Variants in GRIN2B observed in about 807,000 individuals in gnomAD.
GRIN2B encodes glutamate receptor ionotropic, NMDA 2B.
In GRIN2B, 5 loss-of-function variants were observed where a neutral mutation model predicts 114.5. That is an observed-to-expected ratio of 0.04 (90% CI 0.02 to 0.09). The LOEUF (loss-of-function observed/expected upper bound fraction) is 0.09, where lower values mean the gene tolerates loss of function less well. Ranked by LOEUF, GRIN2B falls within the 10% of genes least tolerant of loss-of-function variation. The pLI is 1.00. For synonymous variants in GRIN2B, 787 were observed against 745.1 expected (o/e 1.06, Z -0.92); for missense variants, 1,108 against 1,943.5 (o/e 0.57, Z 8.08).
rs757341517 is a variant in GRIN2B at position 13,611,771 on chromosome 12, C to T, written c.1734G>A (p.Glu578=). Residue 578 remains glutamate, a synonymous_variant, in exon 9 of 14, where the codon GAG becomes GAA. Transcript: ENST00000609686. Reference sequence around the variant, plus strand: ...TGTTATAACCCACAGGGCTGAAGTACTCAAAGACAAAGACAGCCACGGCTG... The same window carrying T: ...TGTTATAACCCACAGGGCTGAAGTATTCAAAGACAAAGACAGCCACGGCTG... ...IVSAVAVFVF[E]YFSPVGYNRC... is the part of the protein sequence containing the mutation. 1 of 1,613,726 alleles carries T rather than the reference C, an allele frequency of 6.2e-7. No individual in the cohort carries two copies. Among genetic ancestry groups the T allele is most frequent in the African/African-American group, 1.3e-5 (1 of 74,918 alleles).
chr12:13,856,254 C>T (rs765864310), intron 3 of GRIN2B, among the ~76,000 whole-genome samples: 84 of 152,166 alleles, frequency 5.5e-4, no homozygotes, highest in Non-Finnish European at 1.1e-3. Context: ...TTTAGTGTGG[C>T]TTGACATTGC....
intron 5 of GRIN2B, among the ~76,000 whole-genome samples, chr12:13,632,654 A>C (rs988252992): frequency 6.6e-6 from 1 of 152,170 alleles, no homozygotes; most frequent in Non-Finnish European, 1.5e-5. Context: ...AATGGAATAT[A>C]ATGTATGTGG....
chr12:13,847,259 C>T (rs1475429206), intron 3 of GRIN2B, among the ~76,000 whole-genome samples: 2 of 152,116 alleles, frequency 1.3e-5, no homozygotes, highest in Non-Finnish European at 2.9e-5. Context: ...TTAGCTACAG[C>T]TCCTCACCCA....
chr12:13,907,739 T>C, intron 2 of GRIN2B, among the ~76,000 whole-genome samples: 1 of 152,140 alleles, frequency 6.6e-6, no homozygotes, highest in East Asian at 1.9e-4. Context: ...CATCAAGCTG[T>C]ATATTTGAGA....
intron 10 of GRIN2B, among the ~76,000 whole-genome samples, chr12:13,587,602 A>T (rs1186211324): frequency 6.6e-6 from 1 of 152,014 alleles, no homozygotes; most frequent in Admixed American, 6.6e-5. Flanking sequence ...TGATCTTCTC[A>T]CCTCAACCTC....
chr12:13,716,390 G>A (rs1211976151), intron 4 of GRIN2B, among the ~76,000 whole-genome samples: 1 of 151,908 alleles, frequency 6.6e-6, no homozygotes, highest in Non-Finnish European at 1.5e-5. Flanking sequence ...TGAGCCAGTA[G>A]TAATCTAAGC....
chr12:13,857,453 A>C (rs981998230), intron 3 of GRIN2B, among the ~76,000 whole-genome samples: 2 of 152,164 alleles, frequency 1.3e-5, no homozygotes, highest in African/African-American at 4.8e-5. Flanking sequence ...ATACATTCCC[A>C]AACATCTTCT....
At chr12:13,662,213 C>A (rs1443622383) in intron 5 of GRIN2B, among the ~76,000 whole-genome samples, 1 of 152,116 alleles carries the variant, frequency 6.6e-6, no homozygotes, top group Non-Finnish European at 1.5e-5. Context: ...CATACCCATT[C>A]TCTAAAATCT....
chr12:13,906,135 CA>C (rs1866531142), intron 2 of GRIN2B, among the ~76,000 whole-genome samples: 1 of 152,162 alleles, frequency 6.6e-6, no homozygotes, highest in Admixed American at 6.5e-5. Context: ...TGGTTTCAGA[CA>C]TCCTTTTATT....
intron 10 of GRIN2B, among the ~76,000 whole-genome samples, chr12:13,601,507 C>G (rs1220185834): frequency 6.6e-6 from 1 of 151,242 alleles, no homozygotes; most frequent in Non-Finnish European, 1.5e-5. Context: ...AACTTAATTA[C>G]ATTTGCAAAG....
chr12:13,583,368 C>T (rs1948877590), intron 10 of GRIN2B, among the ~76,000 whole-genome samples: 1 of 152,156 alleles, frequency 6.6e-6, no homozygotes, highest in Non-Finnish European at 1.5e-5. Context: ...ATTATTATCT[C>T]CATTTAATGG....
chr12:13,862,574 CCT>C (rs1865767747), intron 3 of GRIN2B, among the ~76,000 whole-genome samples: 1 of 152,052 alleles, frequency 6.6e-6, no homozygotes, highest in Non-Finnish European at 1.5e-5. Flanking sequence ...GTCCTATTCC[CCT>C]GTTGTTGATT....
At position 13,558,368 on chromosome 12, in the gene GRIN2B, AT is replaced by A. The variant is rs1296690563; in HGVS notation, c.*4414del. On this transcript the variant is annotated 3_prime_UTR_variant, in exon 14 of 14. Coordinates refer to ENST00000609686, the MANE Select transcript of GRIN2B (RefSeq NM_000834.5). Reference sequence around the variant, plus strand: ...ACAGGGCCTTTTTAGAGAGATGATGATTGAAAGAATAAAGTGAGTTCTGGAA... The same window carrying A: ...ACAGGGCCTTTTTAGAGAGATGATGATGAAAGAATAAAGTGAGTTCTGGAA... 7.9e-5 allele frequency: 12 copies of A among 151,988 alleles called. No individual in the cohort carries two copies. The highest frequency in any genetic ancestry group is 2.4e-4 in the African/African-American group (10 of 41,382). The allele number at this position is 151,988 out of a possible 1,614,324, so 9.4% of individuals were successfully genotyped here.
At chr12:13,817,306 T>G (rs1243861812) in intron 3 of GRIN2B, among the ~76,000 whole-genome samples, 1 of 150,534 alleles carries the variant, frequency 6.6e-6, no homozygotes, top group Non-Finnish European at 1.5e-5. Context: ...CAGCATGTAC[T>G]CTAGCTGGGC....
rs1948255143 is a variant in GRIN2B at position 13,539,842 on chromosome 12, A to T, written c.*22941T>A. On this transcript the variant is annotated 3_prime_UTR_variant, in exon 14 of 14. Coordinates refer to ENST00000609686, the MANE Select transcript of GRIN2B (RefSeq NM_000834.5). ...TGGGAAAAAAACCCACCACCACCCCATAAAACAGTATTACATTTGAGACAA... is the reference window on the plus strand; with the variant it reads ...TGGGAAAAAAACCCACCACCACCCCTTAAAACAGTATTACATTTGAGACAA... 1 of 152,238 alleles carries T rather than the reference A, an allele frequency of 6.6e-6. No individual in the cohort carries two copies. The highest frequency in any genetic ancestry group is 2.4e-5 in the African/African-American group (1 of 41,470). 9.4% of individuals were successfully genotyped at this position (152,238 alleles called of 1,614,324 possible).
chr12:13,809,418 G>A (rs989892130), intron 3 of GRIN2B, among the ~76,000 whole-genome samples: 37 of 152,268 alleles, frequency 2.4e-4, no homozygotes, highest in East Asian at 5.8e-4. Context: ...TTTGTCAAAT[G>A]AGAACAATAA....
intron 2 of GRIN2B, among the ~76,000 whole-genome samples, chr12:13,905,909 C>A (rs949293665): frequency 6.6e-6 from 1 of 152,170 alleles, no homozygotes; most frequent in Admixed American, 6.5e-5. Context: ...TGCATATAAT[C>A]ACAGGTTATT....
intron 2 of GRIN2B, among the ~76,000 whole-genome samples, chr12:13,954,695 G>A (rs977941467): frequency 1.2e-4 from 18 of 150,588 alleles, no homozygotes; most frequent in Non-Finnish European, 2.1e-4. Flanking sequence ...ACCTGTAATC[G>A]CAGCTACTCT....
At chr12:13,865,297 GGA>G (rs1233380390) in intron 3 of GRIN2B, among the ~76,000 whole-genome samples, 1 of 152,148 alleles carries the variant, frequency 6.6e-6, no homozygotes, top group Admixed American at 6.5e-5. Flanking sequence ...CAAAACTATA[GGA>G]GTTTCTAGAT....
Sources: gnomAD v4.1 joint callset for allele counts (sites outside exome capture counted in the v4.1 genomes callset) on GRCh38, gnomAD v4.1.1 for gene constraint, MANE v1.5 for transcripts, NCBI Gene and HGNC (gene_info 2026-07-23, HGNC 2026-07-21) for gene names.